SLC25A16: variants seen among roughly 807,000 people sequenced by gnomAD.
SLC25A16 encodes the protein mitochondrial coenzyme A transporter SLC25A16.
A neutral mutation model predicts 41.5 loss-of-function variants in SLC25A16; 39 were observed. That is an observed-to-expected ratio of 0.94 (90% confidence interval 0.73 to 1.23). The LOEUF (loss-of-function observed/expected upper bound fraction) is 1.23. Ranked by LOEUF, SLC25A16 falls within the 50% of genes most tolerant of loss-of-function variation. The probability of loss-of-function intolerance (pLI) is 0.00; values close to 1 mark genes in which losing one functional copy is unlikely to be tolerated. For synonymous variants in SLC25A16, 146 were observed against 147.8 expected (o/e 0.99, Z 0.09); for missense variants, 421 against 426.9 (o/e 0.99, Z 0.12).
chr10:68,504,593 G>A (rs1409713405), intron 3 of SLC25A16, among the ~76,000 whole-genome samples: 2 of 149,358 alleles, frequency 1.3e-5, no homozygotes, highest in East Asian at 4.0e-4. Context: ...TAGCCAGGAT[G>A]GTCTCGATCT....
chr10:68,484,981 A>G (rs1425523325), intron 8 of SLC25A16, among the ~76,000 whole-genome samples: 1 of 152,230 alleles, frequency 6.6e-6, no homozygotes, highest in African/African-American at 2.4e-5. Flanking sequence ...TACACCCTGG[A>G]TTTCAAATAG....
intron 1 of SLC25A16, among the ~76,000 whole-genome samples, chr10:68,522,671 C>T (rs1197378799): frequency 3.3e-5 from 5 of 152,046 alleles, no homozygotes; most frequent in African/African-American, 4.8e-5. Context: ...AAAAATTAGC[C>T]AGGTGTGGTG....
At chr10:68,512,683 C>A (rs1425093821) in intron 2 of SLC25A16, among the ~76,000 whole-genome samples, 1 of 150,920 alleles carries the variant, frequency 6.6e-6, no homozygotes, top group African/African-American at 2.4e-5. Context: ...ATAATTCACT[C>A]CTGGATATGA....
At chr10:68,501,826 A>C (rs1673001822) in intron 4 of SLC25A16, among the ~76,000 whole-genome samples, 1 of 152,134 alleles carries the variant, frequency 6.6e-6, no homozygotes, top group African/African-American at 2.4e-5. Flanking sequence ...CATATGGAAA[A>C]CTTATTCCAT....
At chr10:68,522,913 G>A (rs979877658) in intron 1 of SLC25A16, among the ~76,000 whole-genome samples, 56 of 151,684 alleles carry the variant, frequency 3.7e-4, no homozygotes, top group Non-Finnish European at 7.1e-4. Flanking sequence ...ACTTGAACAC[G>A]GGAGGTGGAG....
intron 7 of SLC25A16, among the ~76,000 whole-genome samples, chr10:68,488,230 G>A (rs2052597082): frequency 6.6e-6 from 1 of 152,040 alleles, no homozygotes; most frequent in Non-Finnish European, 1.5e-5. Context: ...CAATCCTCCT[G>A]CCACAGTCTC....
intron 2 of SLC25A16, among the ~76,000 whole-genome samples, chr10:68,509,300 G>A (rs1440513791): frequency 1.3e-5 from 2 of 152,072 alleles, no homozygotes; most frequent in Non-Finnish European, 2.9e-5. Flanking sequence ...CAGCGACACT[G>A]CACTCCAGCC....
chr10:68,508,061 T>C (rs1018624736), intron 2 of SLC25A16, among the ~76,000 whole-genome samples: 1 of 151,980 alleles, frequency 6.6e-6, no homozygotes, highest in Non-Finnish European at 1.5e-5. Context: ...TGAAACCCTG[T>C]CTCTACTAAA....
intron 1 of SLC25A16, among the ~76,000 whole-genome samples, chr10:68,521,413 CA>C (rs1269277022): frequency 6.6e-6 from 1 of 151,906 alleles, no homozygotes; most frequent in African/African-American, 2.4e-5. Context: ...CCTGTAATCC[CA>C]ACTACTGTGG....
chr10:68,497,965 TC>T (rs777320970), intron 4 of SLC25A16, among the ~76,000 whole-genome samples: 16 of 152,232 alleles, frequency 1.1e-4, no homozygotes, highest in South Asian at 8.3e-4. Flanking sequence ...AGTCTTGAAT[TC>T]CTGGGCTCAA....
intron 2 of SLC25A16, among the ~76,000 whole-genome samples, chr10:68,513,434 A>G (rs976854321): frequency 6.0e-5 from 9 of 150,706 alleles, no homozygotes; most frequent in African/African-American, 2.5e-5. Flanking sequence ...AAAAAAAAAG[A>G]AAAGAAAAGA....
chr10:68,513,715 C>A (rs1324367582), intron 2 of SLC25A16, among the ~76,000 whole-genome samples: 1 of 152,038 alleles, frequency 6.6e-6, no homozygotes, highest in African/African-American at 2.4e-5. Context: ...CACGGTGAAA[C>A]CCCATCTCTA....
At chr10:68,502,643 G>A (rs957181085) in intron 4 of SLC25A16, among the ~76,000 whole-genome samples, 2 of 148,578 alleles carry the variant, frequency 1.3e-5, no homozygotes, top group Non-Finnish European at 3.0e-5. Context: ...GAGATAGGAG[G>A]ATGGCTTGAG....
chr10:68,495,781 C>CAAAAAAAAAAAA (rs60845242), intron 4 of SLC25A16, among the ~76,000 whole-genome samples: 7 of 89,558 alleles, frequency 7.8e-5, no homozygotes, highest in Admixed American at 4.2e-4. Flanking sequence ...GACTATGTCT[C>CAAAAAAAAAAAA]AAAAAAAAAA....
At chr10:68,489,284 A>C (rs1017338251) in intron 6 of SLC25A16, among the ~76,000 whole-genome samples, 2 of 152,128 alleles carry the variant, frequency 1.3e-5, no homozygotes, top group Admixed American at 1.3e-4. Flanking sequence ...ACAAAACAAA[A>C]CAAAACAAAA....
chr10:68,487,310 T>C (rs1287536912), intron 7 of SLC25A16, 98 bp from the exon 8 acceptor site: 2 of 835,862 alleles, frequency 2.4e-6, no homozygotes, highest in African/African-American at 1.7e-5. Flanking sequence ...AATAACGTGT[T>C]ACTGCTCTTA....
chr10:68,513,764 C>T (rs1253917714), intron 2 of SLC25A16, among the ~76,000 whole-genome samples: 1 of 152,056 alleles, frequency 6.6e-6, no homozygotes, highest in African/African-American at 2.4e-5. Context: ...GTGGCACACC[C>T]CTGTAATCCC....
intron 4 of SLC25A16, among the ~76,000 whole-genome samples, chr10:68,500,164 C>T (rs1197326898): frequency 1.3e-5 from 2 of 152,100 alleles, no homozygotes; most frequent in Non-Finnish European, 2.9e-5. Flanking sequence ...TCATTAAAAA[C>T]ACCACTTTTT....
At chr10:68,506,781 C>A in intron 2 of SLC25A16, 63 bp from the exon 3 acceptor site, 2 of 1,059,170 alleles carry the variant, frequency 1.9e-6, no homozygotes, top group Non-Finnish European at 1.3e-6. Flanking sequence ...ATTTTCATGA[C>A]AATCACAGAT....
Sources: allele counts gnomAD v4.1 joint callset (sites outside exome capture counted in the v4.1 genomes callset), GRCh38; gene constraint gnomAD v4.1.1; transcripts MANE v1.5; gene names NCBI Gene and HGNC (gene_info 2026-07-23, HGNC 2026-07-21).